TXLNB: variants seen among roughly 807,000 people sequenced by gnomAD.
TXLNB encodes beta-taxilin.
A neutral mutation model predicts 57.4 loss-of-function variants in TXLNB; 37 were observed. The observed-to-expected ratio is 0.64, with a 90% confidence interval of 0.50 to 0.85. The LOEUF (loss-of-function observed/expected upper bound fraction) is 0.85, where lower values mean the gene tolerates loss of function less well. Ranked by LOEUF, TXLNB falls within the 40% of genes least tolerant of loss-of-function variation. The pLI is 0.00. For synonymous variants in TXLNB, 302 were observed against 309.6 expected, an observed-to-expected ratio of 0.98 and a Z score of 0.26; for missense variants, 848 against 825.6, an observed-to-expected ratio of 1.03 and a Z score of -0.33.
chr6:139,314,709 T>C, the TXLNB span, among the ~76,000 whole-genome samples: 1 of 152,240 alleles, frequency 6.6e-6, no homozygotes, highest in African/African-American at 2.4e-5. Flanking sequence ...GGAACAATAC[T>C]AAGTAGTTCT....
the TXLNB span, among the ~76,000 whole-genome samples, chr6:139,171,038 T>C: frequency 6.6e-6 from 1 of 151,890 alleles, no homozygotes; most frequent in Non-Finnish European, 1.5e-5. Context: ...TAGATAAAGG[T>C]GGGGAAAGGG....
intron 4 of TXLNB, chr6:139,269,164 CA>C: frequency 6.6e-6 from 1 of 152,358 alleles, no homozygotes; most frequent in Non-Finnish European, 1.5e-5. Flanking sequence ...CTTGGGCTTC[CA>C]AAATGCTAGG....
In TXLNB at chr6:139,276,941, A is replaced by C; in HGVS notation, c.425-20T>G. The stretch of plus-strand genomic sequence containing the variant: ...CTTTGCCTTAAAAAAAAAAGACATG[A>C]AAAAAATAAGTGTTGAATTTACAGT... On this transcript the variant is annotated intron_variant, in intron 2 of 9. Transcript: ENST00000358430. 1.4e-5 allele frequency: 22 copies of C among 1,565,264 alleles called. No individual in the cohort carries two copies. Among genetic ancestry groups the C allele is most frequent in the Non-Finnish European group, 1.9e-5 (22 of 1,156,818 alleles).
intron 6 of TXLNB, 115 bp downstream of exon 6, chr6:139,260,203 G>T: frequency 8.0e-7 from 1 of 1,245,270 alleles, no homozygotes; most frequent in Non-Finnish European, 1.1e-6. Flanking sequence ...CTGAATGACA[G>T]AACGAGACTC....
rs143581792 is a variant in TXLNB at position 139,242,514 on chromosome 6, G to T, written c.*12C>A. ...AAGAGGCAGGAAGAAGCCTCTGAAG[G>T]CACGGTGAGGCTTAGTCGACGCCTT... On this transcript the variant is annotated 3_prime_UTR_variant, in exon 10 of 10. Coordinates refer to ENST00000358430, the MANE Select transcript of TXLNB (RefSeq NM_153235.4). The T allele has an allele frequency of 2.7e-6, 4 of 1,482,918 alleles. No individual in the cohort carries two copies. Among genetic ancestry groups the T allele is most frequent in the South Asian group, 2.9e-5 (2 of 69,160 alleles). 91.9% of individuals were successfully genotyped at this position (1,482,918 alleles called of 1,614,324 possible).
chr6:139,176,773 G>A, the TXLNB span, among the ~76,000 whole-genome samples: 2 of 152,188 alleles, frequency 1.3e-5, no homozygotes, highest in African/African-American at 4.8e-5. The surrounding 1 kb of genome is among the most constrained non-coding windows in gnomAD (Gnocchi z 4.5). Context: ...CTGCATATCA[G>A]GAGAGAAGTT....
At chr6:139,294,071 G>A (rs917168309), upstream of TXLNB, among the ~76,000 whole-genome samples, 1 of 152,130 alleles carries the variant, frequency 6.6e-6, no homozygotes, top group African/African-American at 2.4e-5. Flanking sequence ...GAACCTACAT[G>A]TACTAAAATG....
the TXLNB span, among the ~76,000 whole-genome samples, chr6:139,182,611 TC>T: frequency 6.7e-6 from 1 of 149,070 alleles, no homozygotes; most frequent in Admixed American, 6.6e-5. Context: ...CTTGAGCTTT[TC>T]TTCTTTTTCT....
chr6:139,218,021 T>C, the TXLNB span, among the ~76,000 whole-genome samples: 2 of 152,008 alleles, frequency 1.3e-5, no homozygotes, highest in Admixed American at 6.6e-5. Context: ...AGAGGAGGAG[T>C]CACACCTGCA....
At chr6:139,187,280 T>C in the TXLNB span, among the ~76,000 whole-genome samples, 1 of 152,188 alleles carries the variant, frequency 6.6e-6, no homozygotes, top group Non-Finnish European at 1.5e-5. Context: ...AGGACTACAC[T>C]TTCTTGCAAA....
the TXLNB span, among the ~76,000 whole-genome samples, chr6:139,198,894 A>T: frequency 8.8e-4 from 133 of 151,732 alleles, 1 homozygote; most frequent in African/African-American, 2.9e-3. Flanking sequence ...AACCCTGTCC[A>T]TACCTCTATA....
At chr6:139,202,158 A>G in the TXLNB span, among the ~76,000 whole-genome samples, 105,118 of 152,168 alleles carry the variant, frequency 0.69, 37,270 homozygotes, top group African/African-American at 0.79. Flanking sequence ...TCTAACTGGC[A>G]TAGATCATAT....
the TXLNB span, among the ~76,000 whole-genome samples, chr6:139,314,583 C>T: frequency 1.3e-5 from 2 of 152,208 alleles, no homozygotes; most frequent in African/African-American, 4.8e-5. Context: ...CACACGTTCT[C>T]AGGACCTCTT....
the TXLNB span, among the ~76,000 whole-genome samples, chr6:139,217,328 G>A: frequency 9.9e-5 from 15 of 152,182 alleles, no homozygotes; most frequent in African/African-American, 3.6e-4. Flanking sequence ...GAAAGATTGA[G>A]TGGAAACATG....
At chr6:139,166,679 A>G in the TXLNB span, 1 of 1,613,770 alleles carries the variant, frequency 6.2e-7, no homozygotes, top group Non-Finnish European at 8.5e-7. Context: ...GGAGGAGGCA[A>G]AAAAGTGCAG....
At position 139,270,449 on chromosome 6, in the gene TXLNB, G is replaced by C. The variant is rs1776729565; in HGVS notation, c.687+7C>G. ...AAATTATGTTATTCTGAGGCATGGG[G>C]ACATACCTTCAGAGTCTTGTTGTGT... On this transcript the variant is annotated splice_region_variant and intron_variant, in intron 4 of 9. Coordinates refer to ENST00000358430, the MANE Select transcript of TXLNB (RefSeq NM_153235.4). 1.2e-6 allele frequency: 2 copies of C among 1,612,056 alleles called. No homozygotes were observed. The highest frequency in any genetic ancestry group is 1.3e-5 in the African/African-American group (1 of 74,740).
chr6:139,165,380 AC>A, the TXLNB span, among the ~76,000 whole-genome samples: 1 of 152,200 alleles, frequency 6.6e-6, no homozygotes, highest in Non-Finnish European at 1.5e-5. Context: ...TACATATGTT[AC>A]AATTGATGAA....
intron 2 of TXLNB, among the ~76,000 whole-genome samples, chr6:139,280,723 T>C (rs559698793): frequency 3.9e-5 from 6 of 152,304 alleles, no homozygotes; most frequent in Non-Finnish European, 7.4e-5. Flanking sequence ...AAATACGTAC[T>C]TGTGTACCTC....
chr6:139,160,352 G>A, the TXLNB span, among the ~76,000 whole-genome samples: 3 of 152,328 alleles, frequency 2.0e-5, no homozygotes, highest in Non-Finnish European at 4.4e-5. Flanking sequence ...GGTGGCACAA[G>A]TGTATGATAC....
Sources: allele counts gnomAD v4.1 joint callset (sites outside exome capture counted in the v4.1 genomes callset), GRCh38; gene constraint gnomAD v4.1.1; non-coding constraint Gnocchi (gnomAD v3.1); transcripts MANE v1.5; gene names NCBI Gene and HGNC (gene_info 2026-07-23, HGNC 2026-07-21).